The following MYO5A variants were observed in gnomAD, a reference collection of about 807,000 sequenced individuals.
MYO5A encodes myosin VA.
In MYO5A, 98 loss-of-function variants were observed where a neutral mutation model predicts 249.7. The observed-to-expected ratio is 0.39, with a 90% CI of 0.33 to 0.46. The LOEUF is 0.46. Among genes scored for constraint, MYO5A ranks in the 20% least tolerant of loss-of-function variants. The pLI is 0.98. For missense variants in MYO5A, 1,696 were observed against 2,308.8 expected (o/e 0.73, Z 5.44); for synonymous variants, 778 against 810.6 (o/e 0.96, Z 0.68).
At chr15:52,360,380 T>C (rs1401452049) in intron 24 of MYO5A, among the ~76,000 whole-genome samples, 2 of 152,236 alleles carry the variant, frequency 1.3e-5, no homozygotes, top group African/African-American at 2.4e-5. Context: ...TCAGTCACAC[T>C]GGGTGAAGCA....
chr15:52,389,823 G>T (rs1378210352), intron 12 of MYO5A, among the ~76,000 whole-genome samples: 1 of 152,042 alleles, frequency 6.6e-6, no homozygotes, highest in African/African-American at 2.4e-5. Flanking sequence ...GCGAGGTGGT[G>T]GGCACCTGTA....
intron 1 of MYO5A, among the ~76,000 whole-genome samples, chr15:52,490,766 TGGAGTG>T (rs1224906894): frequency 3.9e-5 from 6 of 152,158 alleles, no homozygotes; most frequent in African/African-American, 1.4e-4. Context: ...TTGCCGAGGC[TGGAGTG>T]CAGTGGTGTG....
At chr15:52,408,323 T>C (rs924389831) in intron 6 of MYO5A, among the ~76,000 whole-genome samples, 183 bp from the exon 7 acceptor site, 5 of 152,122 alleles carry the variant, frequency 3.3e-5, no homozygotes, top group Non-Finnish European at 5.9e-5. Flanking sequence ...TGCATATGTA[T>C]GAGTATGTGT....
At chr15:52,322,248 C>A (rs752865772) in intron 37 of MYO5A, among the ~76,000 whole-genome samples, 11 of 152,238 alleles carry the variant, frequency 7.2e-5, no homozygotes, top group Non-Finnish European at 1.0e-4. Context: ...ATGCAGTCAA[C>A]GACCCCTCTG....
chr15:52,370,479 G>A, intron 21 of MYO5A, 62 bp from the exon 22 acceptor site: 2 of 1,511,330 alleles, frequency 1.3e-6, no homozygotes. Context: ...TATTTAGTAA[G>A]AAAACCATGT....
rs2037661424 is a variant in MYO5A at position 52,307,626 on chromosome 15, C to CA, written c.*6069dup. On this transcript the variant is annotated 3_prime_UTR_variant, in exon 42 of 42. Coordinates refer to ENST00000399233, the MANE Select transcript of MYO5A (RefSeq NM_001382347.1). ...GGTAAATGTTTCACCTAAGAACTTT[C>CA]AAAAAATTGTATCAAAATTTTCTAT... 6.6e-6 allele frequency: 1 copy of CA among 152,016 alleles called. No individual in the cohort carries two copies. Among genetic ancestry groups the CA allele is most frequent in the Non-Finnish European group, 1.5e-5 (1 of 67,956 alleles). 9.4% of individuals were successfully genotyped at this position (152,016 alleles called of 1,614,324 possible). A position where few individuals can be genotyped will look rare whatever the true frequency, so the allele number is the denominator to read the frequency against.
At chr15:52,524,019 T>TATA (rs1045142597) in intron 1 of MYO5A, among the ~76,000 whole-genome samples, 2 of 152,372 alleles carry the variant, frequency 1.3e-5, no homozygotes, top group African/African-American at 4.8e-5. Flanking sequence ...CTAGGCCATG[T>TATA]GGCTCCTGTA....
At chr15:52,506,306 G>A (rs1595812945) in intron 1 of MYO5A, among the ~76,000 whole-genome samples, 1 of 152,188 alleles carries the variant, frequency 6.6e-6, no homozygotes, top group South Asian at 2.1e-4. Flanking sequence ...AGCCAAGACT[G>A]CGCCGCTGCA....
Position 52,351,477 on chromosome 15 carries a change from T to C in MYO5A, c.3626A>G (p.Gln1209Arg), listed in dbSNP as rs757440147. 1 of 1,613,878 alleles carries C rather than the reference T, an allele frequency of 6.2e-7. No individual in the cohort carries two copies. The highest frequency in any genetic ancestry group is 1.1e-5 in the South Asian group (1 of 91,078). The stretch of plus-strand genomic sequence containing the variant: ...TTTTTTGTTTTCTGATTCTAGTTCT[T>C]GACGCTGTATGAAAAGACAAAGAAA... ...AELEYESLKR[Q>R]ELESENKKLK... Residue 1209 changes from glutamine to arginine, a missense_variant, in exon 28 of 42, where the codon CAA (glutamine) becomes CGA (arginine). Around this residue, in one of 5 missense-constraint regions of MYO5A, gnomAD observed 625 missense variants for 908.1 expected, o/e 0.69. Transcript: ENST00000399233.
chr15:52,485,669 C>G (rs148891885), intron 1 of MYO5A, among the ~76,000 whole-genome samples: 1 of 152,014 alleles, frequency 6.6e-6, no homozygotes, highest in African/African-American at 2.4e-5. Flanking sequence ...CACATCATAG[C>G]CAGAAAGGAG....
chr15:52,333,037 G>C (rs778793162), intron 34 of MYO5A, among the ~76,000 whole-genome samples: 1 of 152,178 alleles, frequency 6.6e-6, no homozygotes, highest in South Asian at 2.1e-4. Context: ...TAAGAACACA[G>C]AGTTCGTCCC....
At chr15:52,429,065 G>C (rs2075460463) in intron 2 of MYO5A, among the ~76,000 whole-genome samples, 1 of 152,092 alleles carries the variant, frequency 6.6e-6, no homozygotes, top group Non-Finnish European at 1.5e-5. Context: ...AAGTAAATGA[G>C]GCAAGTCCGG....
chr15:52,501,863 CACAT>C (rs1318875482), intron 1 of MYO5A, among the ~76,000 whole-genome samples: 2 of 135,082 alleles, frequency 1.5e-5, no homozygotes, highest in African/African-American at 5.9e-5. Flanking sequence ...GACACACACA[CACAT>C]ACATATACTA....
Position 52,337,868 on chromosome 15 carries a change from T to C in MYO5A, c.4256A>G (p.Tyr1419Cys), listed in dbSNP as rs945683789. 31 of 1,544,290 alleles carry C rather than the reference T, an allele frequency of 2.0e-5. No individual in the cohort carries two copies. Among genetic ancestry groups the C allele is most frequent in the Non-Finnish European group, 2.5e-5 (29 of 1,142,818 alleles). ...TTGATACTTCTTAGGGTCATCTGCA[T>C]ATAATTCCTCAAAATACTGAAAAAA... ...TNENLYFEEL[Y>C]ADDPKKYQSY... Residue 1419 changes from tyrosine (Y) to cysteine (C), a missense_variant, in exon 33 of 42, where the codon TAT becomes TGT. Tyr to Cys is a radical substitution (Grantham distance 194, BLOSUM62 -2). This residue lies in a region of MYO5A where 625 missense variants were observed against 908.1 expected (regional missense o/e 0.69). Transcript: ENST00000399233.
intron 40 of MYO5A, among the ~76,000 whole-genome samples, chr15:52,316,028 A>G (rs2037990964): frequency 6.6e-6 from 1 of 151,724 alleles, no homozygotes; most frequent in Non-Finnish European, 1.5e-5. Context: ...AGGTCAGGAG[A>G]TCGAGACCAT....
intron 35 of MYO5A, among the ~76,000 whole-genome samples, chr15:52,328,836 C>G (rs1156842578): frequency 6.6e-6 from 1 of 152,124 alleles, no homozygotes; most frequent in Non-Finnish European, 1.5e-5. Context: ...TTAAACATGC[C>G]AGGTATGCTC....
chr15:52,502,167 CA>C (rs1274248010), intron 1 of MYO5A, among the ~76,000 whole-genome samples: 1 of 152,028 alleles, frequency 6.6e-6, no homozygotes, highest in African/African-American at 2.4e-5. Flanking sequence ...CCTGTAATCC[CA>C]ACTACTCAGG....
chr15:52,426,639 T>C (rs1316445777), intron 3 of MYO5A, among the ~76,000 whole-genome samples: 1 of 152,078 alleles, frequency 6.6e-6, no homozygotes, highest in Non-Finnish European at 1.5e-5. Context: ...ATTTTTGTAT[T>C]TTTTTTGTAG....
intron 1 of MYO5A, among the ~76,000 whole-genome samples, chr15:52,498,016 T>C (rs534859075): frequency 6.6e-6 from 1 of 152,134 alleles, no homozygotes; most frequent in South Asian, 2.1e-4. Context: ...TGAAAAGCAA[T>C]GTCTGAGCAT....
Sources: gnomAD v4.1 joint callset for allele counts (sites outside exome capture counted in the v4.1 genomes callset) on GRCh38, gnomAD v4.1.1 for gene constraint, gnomAD v4.1.1 regional missense constraint, MANE v1.5 for transcripts, NCBI Gene and HGNC (gene_info 2026-07-23, HGNC 2026-07-21) for gene names.